Variants in HYCC1 observed in about 807,000 individuals in gnomAD.
The protein encoded by HYCC1 is hyccin PI4KA lipid kinase complex subunit 1, also known as hyccin.
chr7:22,989,982 A>G, the HYCC1 span, among the ~76,000 whole-genome samples: 1 of 152,234 alleles, frequency 6.6e-6, no homozygotes, highest in South Asian at 2.1e-4. Flanking sequence ...GTTGTTGAAC[A>G]TGTATCAGTA....
At chr7:22,908,881 C>T in the HYCC1 span, among the ~76,000 whole-genome samples, 1 of 152,194 alleles carries the variant, frequency 6.6e-6, no homozygotes, top group Admixed American at 6.5e-5. Context: ...AGAGGGGCTA[C>T]AGCCTAAAAG....
At chr7:22,953,536 T>C in the HYCC1 span, among the ~76,000 whole-genome samples, 1 of 151,952 alleles carries the variant, frequency 6.6e-6, no homozygotes, top group Non-Finnish European at 1.5e-5. Context: ...TTTTTTGTTT[T>C]CCTCAAAAAT....
At chr7:22,910,962 T>C in the HYCC1 span, among the ~76,000 whole-genome samples, 1 of 152,182 alleles carries the variant, frequency 6.6e-6, no homozygotes. Flanking sequence ...AGCTGTATTA[T>C]ACAACAATTA....
the HYCC1 span, among the ~76,000 whole-genome samples, chr7:22,904,180 C>T: frequency 6.6e-6 from 1 of 150,686 alleles, no homozygotes; most frequent in Non-Finnish European, 1.5e-5. Flanking sequence ...GCCTGTAATC[C>T]CAGCACTTTG....
chr7:23,004,541 T>C, the HYCC1 span, among the ~76,000 whole-genome samples: 1 of 152,182 alleles, frequency 6.6e-6, no homozygotes, highest in Non-Finnish European at 1.5e-5. Flanking sequence ...TATTTGATGT[T>C]CTCATAGTGA....
chr7:23,010,990 T>C, the HYCC1 span, among the ~76,000 whole-genome samples: 3 of 152,194 alleles, frequency 2.0e-5, no homozygotes, highest in East Asian at 3.8e-4. Context: ...CTTGTTAAAG[T>C]TACCTATGGA....
chr7:22,959,201 A>G, the HYCC1 span, among the ~76,000 whole-genome samples: 1 of 152,148 alleles, frequency 6.6e-6, no homozygotes, highest in Non-Finnish European at 1.5e-5. Flanking sequence ...CTTTAAAAAC[A>G]CCAAAAATGA....
the HYCC1 span, among the ~76,000 whole-genome samples, chr7:22,986,467 A>C: frequency 2.6e-5 from 4 of 152,228 alleles, no homozygotes; most frequent in African/African-American, 9.6e-5. Context: ...GACCTTCTTA[A>C]ATACTAGCTT....
the HYCC1 span, among the ~76,000 whole-genome samples, chr7:22,995,465 T>C: frequency 1.3e-5 from 2 of 152,190 alleles, no homozygotes; most frequent in Non-Finnish European, 2.9e-5. Context: ...GATCAAAGTC[T>C]ATGATCATAG....
chr7:22,964,552 G>GT, the HYCC1 span: 1 of 1,386,374 alleles, frequency 7.2e-7, no homozygotes, highest in African/African-American at 1.4e-5. Flanking sequence ...CAAAATAAAT[G>GT]TATTTCTAAA....
At chr7:22,913,792 G>A in the HYCC1 span, among the ~76,000 whole-genome samples, 2 of 152,088 alleles carry the variant, frequency 1.3e-5, no homozygotes, top group African/African-American at 2.4e-5. Context: ...CTCACACAAC[G>A]CCTGTTTGCT....
chr7:22,983,355 C>G, the HYCC1 span, among the ~76,000 whole-genome samples: 2 of 151,670 alleles, frequency 1.3e-5, no homozygotes, highest in East Asian at 1.9e-4. Flanking sequence ...TCTAAATTAG[C>G]CATCTGAAAA....
the HYCC1 span, chr7:22,943,218 T>C: frequency 1.3e-5 from 2 of 152,164 alleles, no homozygotes; most frequent in Admixed American, 1.3e-4. Context: ...TATGTCAATA[T>C]TATTAAACTA....
At chr7:22,980,506 T>C in the HYCC1 span, among the ~76,000 whole-genome samples, 4 of 152,132 alleles carry the variant, frequency 2.6e-5, no homozygotes, top group African/African-American at 4.8e-5. Flanking sequence ...CAAGTCTGTA[T>C]CCTAAGAGAG....
chr7:23,000,815 T>C, the HYCC1 span, among the ~76,000 whole-genome samples: 14 of 151,882 alleles, frequency 9.2e-5, no homozygotes, highest in African/African-American at 2.7e-4. Flanking sequence ...AGCTGAGGGA[T>C]AGACATCTGC....
chr7:22,906,305 AC>A, the HYCC1 span, among the ~76,000 whole-genome samples: 23 of 152,246 alleles, frequency 1.5e-4, no homozygotes, highest in Admixed American at 6.5e-4. Flanking sequence ...AAAGAATGAT[AC>A]ATGACTCAAA....
the HYCC1 span, among the ~76,000 whole-genome samples, chr7:22,898,195 C>A: frequency 6.6e-6 from 1 of 151,852 alleles, no homozygotes; most frequent in East Asian, 1.9e-4. Flanking sequence ...CACCACCATG[C>A]CCAGCTAATT....
At chr7:22,929,303 A>G in the HYCC1 span, among the ~76,000 whole-genome samples, 2 of 152,218 alleles carry the variant, frequency 1.3e-5, no homozygotes, top group South Asian at 2.1e-4. Flanking sequence ...TGTCTAAAAC[A>G]CCAAAAGCAA....
chr7:22,986,489 A>G, the HYCC1 span, among the ~76,000 whole-genome samples: 1 of 152,230 alleles, frequency 6.6e-6, no homozygotes, highest in South Asian at 2.1e-4. Flanking sequence ...GCTTTCTCAC[A>G]TTTCAGAAGG....
Sources: allele counts gnomAD v4.1 joint callset (sites outside exome capture counted in the v4.1 genomes callset), GRCh38; gene constraint gnomAD v4.1.1; transcripts MANE v1.5; gene names NCBI Gene and HGNC (gene_info 2026-07-23, HGNC 2026-07-21).